Variants in SLC17A8 observed in about 807,000 individuals in gnomAD.
SLC17A8 encodes the protein vesicular glutamate transporter 3.
In SLC17A8, 31 loss-of-function variants were observed where a neutral mutation model predicts 58.0. That is an observed-to-expected ratio of 0.53 (90% confidence interval 0.40 to 0.72). SLC17A8 has a LOEUF of 0.72. Among genes scored for constraint, SLC17A8 ranks in the 30% least tolerant of loss-of-function variants. The pLI is 0.00. For missense variants in SLC17A8, 655 were observed against 727.8 expected (o/e 0.90, Z 1.15); for synonymous variants, 228 against 249.0 (o/e 0.92, Z 0.79).
chr12:100,384,564 T>TAAAC (rs372874726), intron 2 of SLC17A8, among the ~76,000 whole-genome samples: 15 of 152,202 alleles, frequency 9.9e-5, no homozygotes, highest in South Asian at 8.3e-4. Flanking sequence ...AGACTCCATC[T>TAAAC]AAACAAACAA....
chr12:100,393,273 A>G, intron 3 of SLC17A8, 96 bp from the exon 4 acceptor site: 1 of 815,430 alleles, frequency 1.2e-6, no homozygotes, highest in African/African-American at 1.7e-5. Flanking sequence ...TTCCACAGGG[A>G]TCTTTCATGA....
At chr12:100,398,960 G>C (rs1357088836) in intron 5 of SLC17A8, among the ~76,000 whole-genome samples, 1 of 152,114 alleles carries the variant, frequency 6.6e-6, no homozygotes. Context: ...TGCCATGATT[G>C]TGAGGCCTCC....
At chr12:100,398,910 C>T (rs141235835) in intron 5 of SLC17A8, among the ~76,000 whole-genome samples, 21 of 152,060 alleles carry the variant, frequency 1.4e-4, no homozygotes, top group Non-Finnish European at 2.9e-4. Context: ...CTTTGCTTGC[C>T]GCCATCCACG....
intron 5 of SLC17A8, among the ~76,000 whole-genome samples, chr12:100,399,279 G>A (rs1452965560): frequency 6.6e-6 from 1 of 152,128 alleles, no homozygotes; most frequent in Admixed American, 6.5e-5. Flanking sequence ...GGAGCAGCTG[G>A]GGGCAGCTGC....
At position 100,410,112 on chromosome 12, in the gene SLC17A8, C is replaced by A. The variant is rs113470992; in HGVS notation, c.1187-2658C>A. ...TGGTGGCTTAGGCCTGTAATCCCAG[C>A]ACTTTGGGAGGCCAAGGCAGGCAGA... On this transcript the variant is annotated intron_variant, in intron 9 of 11. Coordinates refer to ENST00000323346, the MANE Select transcript of SLC17A8 (RefSeq NM_139319.3). 4.9e-3 allele frequency among the ~76,000 whole-genome samples: 749 copies of A among 152,340 alleles called. 11 individuals are homozygous for A. Among genetic ancestry groups the A allele is most frequent in the African/African-American group, 0.017 (715 of 41,578 alleles).
intron 5 of SLC17A8, 56 bp downstream of exon 5, chr12:100,396,473 T>C (rs1952755045): frequency 4.9e-6 from 7 of 1,417,618 alleles, no homozygotes; most frequent in East Asian, 2.3e-5. Context: ...TTTGGGTTCA[T>C]GCAGTGGCTC....
At chr12:100,417,441 A>G (rs1403352991) in intron 10 of SLC17A8, among the ~76,000 whole-genome samples, 1 of 152,242 alleles carries the variant, frequency 6.6e-6, no homozygotes, top group African/African-American at 2.4e-5. Flanking sequence ...ACATAGTAGA[A>G]ATAAGATTCA....
At chr12:100,362,142 G>C (rs1952489166) in intron 1 of SLC17A8, among the ~76,000 whole-genome samples, 1 of 152,060 alleles carries the variant, frequency 6.6e-6, no homozygotes, top group Non-Finnish European at 1.5e-5. Context: ...CATCAGCTCT[G>C]GGCTGATGGG....
chr12:100,386,519 T>C (rs552221477), intron 2 of SLC17A8, among the ~76,000 whole-genome samples: 6 of 152,280 alleles, frequency 3.9e-5, no homozygotes, highest in African/African-American at 1.4e-4. Flanking sequence ...GTCTATGAAT[T>C]TGACTATTTT....
chr12:100,386,696 T>C (rs1952677209), intron 2 of SLC17A8, among the ~76,000 whole-genome samples: 1 of 151,342 alleles, frequency 6.6e-6, no homozygotes, highest in Non-Finnish European at 1.5e-5. Flanking sequence ...CATTTCCTTT[T>C]TTTTTTTTTT....
At chr12:100,361,566 G>T (rs1449142249) in intron 1 of SLC17A8, among the ~76,000 whole-genome samples, 5 of 152,078 alleles carry the variant, frequency 3.3e-5, no homozygotes, top group Admixed American at 1.3e-4. Context: ...TCTGTCTTAG[G>T]TAGGTTCCCT....
chr12:100,360,332 G>C (rs992060697), intron 1 of SLC17A8, among the ~76,000 whole-genome samples: 3 of 152,174 alleles, frequency 2.0e-5, no homozygotes, highest in Non-Finnish European at 4.4e-5. Context: ...TCCTTTAATT[G>C]TTCATGTCTA....
At position 100,414,015 on chromosome 12, in the gene SLC17A8, GTTAC is replaced by G. The variant is rs980074617; in HGVS notation, c.1297+1139_1297+1142del. On this transcript the variant is annotated intron_variant, in intron 10 of 11. Transcript: ENST00000323346. Reference sequence around the variant, plus strand: ...ATAAATAAAATAAAAATAAAAAATGGTTACTTAAAGAAAATTTCACATATATTGT... The same window carrying G: ...ATAAATAAAATAAAAATAAAAAATGGTTAAAGAAAATTTCACATATATTGT... Among the ~76,000 whole-genome samples the G allele has an allele frequency of 3.3e-5, 5 of 151,928 alleles. No homozygotes were observed. The South Asian group carries it at 8.3e-4, about 25-fold the overall frequency.
chr12:100,372,272 C>T (rs1952563853), intron 1 of SLC17A8, among the ~76,000 whole-genome samples: 1 of 152,096 alleles, frequency 6.6e-6, no homozygotes, highest in Admixed American at 6.6e-5. Flanking sequence ...GCAGATATTG[C>T]CTTCTTGCTA....
Position 100,383,084 on chromosome 12 carries a change from A to G in SLC17A8, c.354+2131A>G, listed in dbSNP as rs1266525422. On this transcript the variant is annotated intron_variant, in intron 2 of 11. Transcript: ENST00000323346. ...GAATGATGTATATTAGCAAGGTTTC[A>G]GATGTGTATCACATGCATTCTTTCA... Among the ~76,000 whole-genome samples, 2 of 152,228 alleles carry G rather than the reference A, an allele frequency of 1.3e-5. 1 individual carries two copies. Among genetic ancestry groups the G allele is most frequent in the African/African-American group, 4.8e-5 (2 of 41,452 alleles).
At chr12:100,384,102 G>C (rs1471422749) in intron 2 of SLC17A8, among the ~76,000 whole-genome samples, 1 of 152,196 alleles carries the variant, frequency 6.6e-6, no homozygotes, top group Non-Finnish European at 1.5e-5. Context: ...TGAGAAACTT[G>C]TGATTTTGTT....
At chr12:100,362,020 C>T (rs929126882) in intron 1 of SLC17A8, among the ~76,000 whole-genome samples, 4 of 152,086 alleles carry the variant, frequency 2.6e-5, no homozygotes, top group Admixed American at 6.5e-5. Flanking sequence ...GATGCATGCT[C>T]ACAATGCCCA....
intron 4 of SLC17A8, among the ~76,000 whole-genome samples, chr12:100,395,316 A>G (rs1336057723): frequency 6.9e-6 from 1 of 144,450 alleles, no homozygotes; most frequent in African/African-American, 2.5e-5. Flanking sequence ...GGTAGGTTAT[A>G]AACAAAAGAA....
At position 100,375,860 on chromosome 12, in the gene SLC17A8, AGGGATT is replaced by A. The variant is rs1362759526; in HGVS notation, c.102-4840_102-4835del. Among the ~76,000 whole-genome samples the A allele has an allele frequency of 2.0e-5, 3 of 152,234 alleles. No homozygotes were observed. In the East Asian group the frequency reaches 5.8e-4, roughly 29 times the overall value. On this transcript the variant is annotated intron_variant, in intron 1 of 11. Coordinates refer to ENST00000323346, the MANE Select transcript of SLC17A8 (RefSeq NM_139319.3). Reference sequence around the variant, plus strand: ...ATTACGATTAGCCCAGTTTAGAGATAGGGATTCTTATGGGCTGAATTGTGTCTTCAT... The same window carrying A: ...ATTACGATTAGCCCAGTTTAGAGATACTTATGGGCTGAATTGTGTCTTCAT...
Sources: gnomAD v4.1 joint callset for allele counts (sites outside exome capture counted in the v4.1 genomes callset) on GRCh38, gnomAD v4.1.1 for gene constraint, MANE v1.5 for transcripts, NCBI Gene and HGNC (gene_info 2026-07-23, HGNC 2026-07-21) for gene names.